MINDY2: variants seen among roughly 807,000 people sequenced by gnomAD.
MINDY2 encodes ubiquitin carboxyl-terminal hydrolase MINDY-2.
MINDY2 carries 52 observed loss-of-function variants against 68.2 expected under a neutral mutation model. That is an observed-to-expected ratio of 0.76 (90% confidence interval 0.61 to 0.96). The LOEUF (loss-of-function observed/expected upper bound fraction) is 0.96. Ranked by LOEUF, MINDY2 falls within the 40% of genes least tolerant of loss-of-function variation. The probability of loss-of-function intolerance (pLI) is 0.00; values close to 1 mark genes in which losing one functional copy is unlikely to be tolerated. For missense variants in MINDY2, 881 were observed against 773.4 expected (o/e 1.14, Z -1.65); for synonymous variants, 372 against 303.0 (o/e 1.23, Z -2.36).
intron 5 of MINDY2, among the ~76,000 whole-genome samples, chr15:58,822,610 C>G (rs1465641447): frequency 1.3e-5 from 2 of 152,128 alleles, no homozygotes; most frequent in African/African-American, 4.8e-5. Context: ...CTCTGAAAAT[C>G]AGTTTTTCTA....
chr15:58,771,730 C>T lies in MINDY2; in HGVS notation c.335C>T (p.Pro112Leu). The change falls in exon 1 of 9, where the codon CCG (proline) becomes CTG (leucine). Residue 112 changes from proline to leucine, a missense_variant. Pro to Leu is a moderately conservative substitution (Grantham distance 98). Transcript: ENST00000559228. ...GGGCAGTACAAGGTGACCGCCTCCCCGGAGACAGCCGTGGCCGGAGTGGGT... is the reference window on the plus strand; with the variant it reads ...GGGCAGTACAAGGTGACCGCCTCCCTGGAGACAGCCGTGGCCGGAGTGGGT... Reference protein sequence around the residue: ...LRGQYKVTASPETAVAGVGHE... With the variant: ...LRGQYKVTASLETAVAGVGHE... The T allele has an allele frequency of 6.2e-7, 1 of 1,611,816 alleles. No homozygotes were observed. The highest frequency in any genetic ancestry group is 8.5e-7 in the Non-Finnish European group (1 of 1,179,600).
At chr15:58,831,041 G>GTGTGTATATATATATATATATATATATA (rs565786025) in intron 5 of MINDY2, among the ~76,000 whole-genome samples, 33 of 124,902 alleles carry the variant, frequency 2.6e-4, no homozygotes, top group African/African-American at 9.3e-4. Context: ...GTGTGTGTGT[G>GTGTGTATATATATATATATATATATATA]TATATATATA....
intron 6 of MINDY2, among the ~76,000 whole-genome samples, chr15:58,837,418 T>C (rs537099845): frequency 2.0e-5 from 3 of 151,860 alleles, no homozygotes; most frequent in South Asian, 4.2e-4. Flanking sequence ...ACAAATAATT[T>C]TGAAAGTTAG....
intron 5 of MINDY2, among the ~76,000 whole-genome samples, chr15:58,829,979 T>G (rs976495502): frequency 6.6e-6 from 1 of 152,242 alleles, no homozygotes; most frequent in South Asian, 2.1e-4. Flanking sequence ...TTATCTTTAG[T>G]CCCTGTATCT....
chr15:58,851,739 T>A, intron 7 of MINDY2, 32 bp from the exon 8 acceptor site: 2 of 1,479,994 alleles, frequency 1.4e-6, no homozygotes, highest in Middle Eastern at 1.8e-4. Context: ...TAAAATCTCA[T>A]AGCTAATGAT....
intron 4 of MINDY2, 40 bp downstream of exon 4, chr15:58,810,428 G>A (rs1201613173): frequency 6.9e-7 from 1 of 1,458,698 alleles, no homozygotes; most frequent in Admixed American, 2.5e-5. Flanking sequence ...ACAAATACAG[G>A]AAAAATGTAT....
chr15:58,837,001 A>G (rs2032026764), intron 6 of MINDY2, among the ~76,000 whole-genome samples: 1 of 152,210 alleles, frequency 6.6e-6, no homozygotes, highest in African/African-American at 2.4e-5. Context: ...AACAGAATCT[A>G]TAACACTTTG....
chr15:58,798,209 A>G (rs1292577639), intron 2 of MINDY2, among the ~76,000 whole-genome samples: 1 of 151,860 alleles, frequency 6.6e-6, no homozygotes, highest in Non-Finnish European at 1.5e-5. Flanking sequence ...CTCCGCTTCC[A>G]AAGCTCAAGC....
chr15:58,854,630 G>T lies in MINDY2; in HGVS notation c.*20G>T, dbSNP rs759578063. ...TTGTAACAAGTGTTGGCTTCTGTTGGAACCACCTATATGTCTTGAGAAACA... is the reference window on the plus strand; with the variant it reads ...TTGTAACAAGTGTTGGCTTCTGTTGTAACCACCTATATGTCTTGAGAAACA... On this transcript the variant is annotated 3_prime_UTR_variant, in exon 9 of 9. Coordinates refer to ENST00000559228, the MANE Select transcript of MINDY2 (RefSeq NM_001040450.3). 1 of 1,597,834 alleles carries T rather than the reference G, an allele frequency of 6.3e-7. No individual in the cohort carries two copies. Among genetic ancestry groups the T allele is most frequent in the Non-Finnish European group, 8.5e-7 (1 of 1,177,550 alleles).
At chr15:58,833,567 A>G (rs1467475189) in intron 6 of MINDY2, among the ~76,000 whole-genome samples, 1 of 152,224 alleles carries the variant, frequency 6.6e-6, no homozygotes, top group African/African-American at 2.4e-5. Flanking sequence ...AATAGTGCAG[A>G]GAAGGTCAGA....
At chr15:58,837,512 T>A in intron 6 of MINDY2, among the ~76,000 whole-genome samples, 1 of 139,588 alleles carries the variant, frequency 7.2e-6, no homozygotes, top group African/African-American at 2.8e-5. Flanking sequence ...CCCAGGAGGG[T>A]GAGGCTACAG....
At chr15:58,848,483 C>T (rs972474480) in intron 7 of MINDY2, among the ~76,000 whole-genome samples, 1 of 152,200 alleles carries the variant, frequency 6.6e-6, no homozygotes, top group African/African-American at 2.4e-5. Context: ...GTGGCTCACA[C>T]CTGTAATCCC....
chr15:58,833,896 G>A lies in MINDY2; in HGVS notation c.1368+1980G>A, dbSNP rs529537511. 1.1e-3 allele frequency among the ~76,000 whole-genome samples: 160 copies of A among 152,132 alleles called. 1 individual carries two copies. Among genetic ancestry groups the A allele is most frequent in the Non-Finnish European group, 1.6e-3 (111 of 68,018 alleles). ...GACCCTTTATGGGTGTCGGGCTGCC[G>A]GACGGTCAGGTCTTTCCCTTCCCAC... On this transcript the variant is annotated intron_variant, in intron 6 of 8. Transcript: ENST00000559228.
In MINDY2 at chr15:58,771,325, C is replaced by A; in HGVS notation, c.-71C>A. 1 of 1,540,186 alleles carries A rather than the reference C, an allele frequency of 6.5e-7. No individual in the cohort carries two copies. On this transcript the variant is annotated 5_prime_UTR_variant, in exon 1 of 9. Coordinates refer to ENST00000559228, the MANE Select transcript of MINDY2 (RefSeq NM_001040450.3). The stretch of plus-strand genomic sequence containing the variant: ...GCGCTGTTGCTGCCAATACAGCTGT[C>A]ATGGCGTCCAAGGCGCTGGCTGCGG...
intron 6 of MINDY2, among the ~76,000 whole-genome samples, chr15:58,834,332 TCTCATTC>T (rs1203431057): frequency 6.6e-6 from 1 of 152,206 alleles, no homozygotes; most frequent in African/African-American, 2.4e-5. Context: ...GGAAAGGTCT[TCTCATTC>T]CTTTTTGCCT....
Position 58,852,923 on chromosome 15 carries a change from T to G in MINDY2, c.1737+958T>G, listed in dbSNP as rs868282706. Among the ~76,000 whole-genome samples the G allele has an allele frequency of 0.025, 34 of 1,360 alleles. No homozygotes were observed. The South Asian group carries it at 0.25, about 10-fold the overall frequency. 0.9% of individuals were successfully genotyped at this position (1,360 alleles called of 152,430 possible). The stretch of plus-strand genomic sequence containing the variant: ...ATACCATGCCAGACTGCTGTTCCTG[T>G]TTTTTTTTTTTTTTTTTTTTTTTTT... On this transcript the variant is annotated intron_variant, in intron 8 of 8. Transcript: ENST00000559228.
intron 4 of MINDY2, among the ~76,000 whole-genome samples, chr15:58,818,825 G>T (rs1276785772): frequency 6.6e-6 from 1 of 151,766 alleles, no homozygotes; most frequent in African/African-American, 2.4e-5. Flanking sequence ...ATTTTTTGTA[G>T]AGATGGGGTT....
chr15:58,772,346 C>T (rs1900488885), intron 1 of MINDY2, 111 bp downstream of exon 1: 1 of 1,458,736 alleles, frequency 6.9e-7, no homozygotes, highest in South Asian at 1.3e-5. Flanking sequence ...TTCATCAGTC[C>T]CCTTCTTACA....
At chr15:58,822,783 A>G (rs1456009134) in intron 5 of MINDY2, among the ~76,000 whole-genome samples, 1 of 152,200 alleles carries the variant, frequency 6.6e-6, no homozygotes, top group African/African-American at 2.4e-5. Flanking sequence ...CACTCTTTCA[A>G]AAATATACAT....
Sources: gnomAD v4.1 joint callset for allele counts (sites outside exome capture counted in the v4.1 genomes callset) on GRCh38, gnomAD v4.1.1 for gene constraint, MANE v1.5 for transcripts, NCBI Gene and HGNC (gene_info 2026-07-23, HGNC 2026-07-21) for gene names.